BOLL: variants seen among roughly 807,000 people sequenced by gnomAD.
The protein encoded by BOLL is protein boule-like.
BOLL carries 23 observed loss-of-function variants against 44.4 expected under a neutral mutation model. The observed-to-expected ratio is 0.52, with a 90% confidence interval of 0.37 to 0.73. BOLL has a LOEUF of 0.73. BOLL is among the 30% of genes least tolerant of loss of function. The pLI, the probability that BOLL is intolerant of heterozygous loss-of-function variation, is 0.00. For missense variants in BOLL, 287 were observed against 338.3 expected (o/e 0.85, Z 1.19); for synonymous variants, 97 against 110.8 (o/e 0.88, Z 0.78).
chr2:197,758,684 C>A (rs1688622425), intron 7 of BOLL, among the ~76,000 whole-genome samples: 1 of 152,156 alleles, frequency 6.6e-6, no homozygotes, highest in African/African-American at 2.4e-5. Flanking sequence ...AATGATCTGG[C>A]ATTATAGTTC....
intron 9 of BOLL, among the ~76,000 whole-genome samples, chr2:197,748,425 A>G (rs1688084793): frequency 1.3e-5 from 2 of 152,198 alleles, no homozygotes; most frequent in Non-Finnish European, 2.9e-5. Flanking sequence ...GCCAGGAGCC[A>G]AGTGGTCTTG....
At chr2:197,742,962 T>C in intron 10 of BOLL, 99 bp downstream of exon 10, 1 of 799,082 alleles carries the variant, frequency 1.3e-6, no homozygotes, top group Non-Finnish European at 1.9e-6. Context: ...ACAAGTGTGA[T>C]GTAAATATCC....
At chr2:197,742,506 C>G (rs1687792932) in intron 10 of BOLL, among the ~76,000 whole-genome samples, 2 of 152,150 alleles carry the variant, frequency 1.3e-5, no homozygotes, top group African/African-American at 2.4e-5. Flanking sequence ...GAGTTCATGT[C>G]CTTTGTAGGG....
At chr2:197,757,877 T>C (rs1688588064) in intron 7 of BOLL, among the ~76,000 whole-genome samples, 1 of 152,126 alleles carries the variant, frequency 6.6e-6, no homozygotes, top group African/African-American at 2.4e-5. Context: ...CCAAAGAAGA[T>C]ATACATATGG....
At chr2:197,738,279 G>A (rs1030094310) in intron 10 of BOLL, among the ~76,000 whole-genome samples, 1 of 151,838 alleles carries the variant, frequency 6.6e-6, no homozygotes, top group Non-Finnish European at 1.5e-5. Flanking sequence ...ATGGGGTCTC[G>A]CCATATTGCC....
intron 10 of BOLL, among the ~76,000 whole-genome samples, chr2:197,736,419 T>A (rs1242949910): frequency 1.3e-5 from 2 of 152,020 alleles, no homozygotes; most frequent in East Asian, 3.8e-4. Flanking sequence ...AAAAAGAACA[T>A]AAGTGAAAAA....
chr2:197,771,831 C>A, intron 6 of BOLL, 24 bp downstream of exon 6: 2 of 1,528,608 alleles, frequency 1.3e-6, no homozygotes, highest in South Asian at 2.6e-5. Context: ...AGATGGAAAT[C>A]CTTTTTTAAA....
chr2:197,729,982 A>G (rs909242638), intron 10 of BOLL, among the ~76,000 whole-genome samples: 6 of 151,952 alleles, frequency 3.9e-5, no homozygotes, highest in Admixed American at 6.6e-5. Context: ...TGACGAGCTG[A>G]GAGAAGAAGG....
chr2:197,763,845 T>C (rs1398668690), intron 7 of BOLL, among the ~76,000 whole-genome samples: 1 of 151,646 alleles, frequency 6.6e-6, no homozygotes, highest in Non-Finnish European at 1.5e-5. Flanking sequence ...AACAGCAAAA[T>C]AAACAAAAAA....
chr2:197,732,411 A>T (rs1462244611), intron 10 of BOLL, among the ~76,000 whole-genome samples: 1 of 152,178 alleles, frequency 6.6e-6, no homozygotes, highest in Non-Finnish European at 1.5e-5. Context: ...TTCCTTCTGA[A>T]ACTATTCCAA....
chr2:197,778,850 G>A, intron 3 of BOLL, 125 bp downstream of exon 3: 1 of 677,316 alleles, frequency 1.5e-6, no homozygotes, highest in Admixed American at 3.0e-5. Context: ...CAAAAGGTAG[G>A]AGGAAAGAAG....
intron 10 of BOLL, among the ~76,000 whole-genome samples, chr2:197,739,279 A>G (rs957574501): frequency 5.3e-5 from 8 of 152,096 alleles, no homozygotes; most frequent in Non-Finnish European, 1.2e-4. Context: ...TATTTTAGAG[A>G]TATACATGGT....
At chr2:197,779,412 G>C (rs1189458868) in intron 2 of BOLL, among the ~76,000 whole-genome samples, 1 of 151,878 alleles carries the variant, frequency 6.6e-6, no homozygotes, top group Non-Finnish European at 1.5e-5. Context: ...CCATAGTAAG[G>C]GTACAATACT....
At chr2:197,781,518 A>G (rs1410357160) in intron 2 of BOLL, among the ~76,000 whole-genome samples, 1 of 152,162 alleles carries the variant, frequency 6.6e-6, no homozygotes, top group South Asian at 2.1e-4. Flanking sequence ...AGTGAGGATC[A>G]ATTTCTTTAT....
chr2:197,774,060 G>A (rs951805924), intron 5 of BOLL: 1 of 459,284 alleles, frequency 2.2e-6, no homozygotes, highest in Non-Finnish European at 4.5e-6. Context: ...GCATTTGAAG[G>A]CTAGTGCTAC....
chr2:197,737,389 A>T (rs1687542807), intron 10 of BOLL, among the ~76,000 whole-genome samples: 1 of 152,076 alleles, frequency 6.6e-6, no homozygotes, highest in Non-Finnish European at 1.5e-5. Context: ...GTCTTGGTAG[A>T]CACAGAACCT....
At chr2:197,785,987 C>T, upstream of BOLL, 1 of 1,610,976 alleles carries the variant, frequency 6.2e-7, no homozygotes, top group Non-Finnish European at 8.5e-7. The surrounding 1 kb of genome is among the most constrained non-coding windows in gnomAD (Gnocchi z 6.7). Flanking sequence ...ACTCACCGGC[C>T]CGGACTCGGT....
chr2:197,761,101 G>T (rs1288195616), intron 7 of BOLL, among the ~76,000 whole-genome samples: 1 of 152,016 alleles, frequency 6.6e-6, no homozygotes, highest in Non-Finnish European at 1.5e-5. Context: ...CAGGAAGATT[G>T]CCTGAGCCCA....
chr2:197,750,989 A>G (rs2106339919), intron 9 of BOLL, among the ~76,000 whole-genome samples: 1 of 152,342 alleles, frequency 6.6e-6, no homozygotes. Context: ...CAGGATTAAG[A>G]AACTCACTCA....
Sources: gnomAD v4.1 joint callset for allele counts (sites outside exome capture counted in the v4.1 genomes callset) on GRCh38, gnomAD v4.1.1 for gene constraint, Gnocchi (gnomAD v3.1) non-coding constraint, MANE v1.5 for transcripts, NCBI Gene and HGNC (gene_info 2026-07-23, HGNC 2026-07-21) for gene names.